Variants in ANKRD27 observed in about 807,000 individuals in gnomAD.
The protein encoded by ANKRD27 is ankyrin repeat domain-containing protein 27.
A neutral mutation model predicts 129.7 loss-of-function variants in ANKRD27; 112 were observed. The ratio of observed to expected loss-of-function variants is 0.86; its 90% CI spans 0.74 to 1.01. The LOEUF is 1.01. Ranked by LOEUF, ANKRD27 falls within the 50% of genes least tolerant of loss-of-function variation. The pLI is 0.00. For synonymous variants in ANKRD27, 516 were observed against 511.2 expected, an observed-to-expected ratio of 1.01 and a Z score of -0.13; for missense variants, 1,258 against 1,300.5, an observed-to-expected ratio of 0.97 and a Z score of 0.50.
intron 18 of ANKRD27, among the ~76,000 whole-genome samples, chr19:32,622,218 C>A (rs1972020943): frequency 6.6e-6 from 1 of 152,168 alleles, no homozygotes. Context: ...CCTGGAACAA[C>A]CCTGAGAAAA....
chr19:32,649,827 C>T (rs761304496), intron 2 of ANKRD27, 35 bp from the exon 3 acceptor site: 28 of 1,393,498 alleles, frequency 2.0e-5, no homozygotes, highest in Admixed American at 1.0e-4. Context: ...ATTAGACAGA[C>T]GTGCCATTTA....
At chr19:32,632,209 A>C (rs1436616501) in intron 12 of ANKRD27, among the ~76,000 whole-genome samples, 1 of 152,052 alleles carries the variant, frequency 6.6e-6, no homozygotes, top group Non-Finnish European at 1.5e-5. Flanking sequence ...GAATCACTTA[A>C]ACCTGGGAGG....
chr19:32,599,650 T>C, intron 28 of ANKRD27, 54 bp downstream of exon 28: 1 of 1,537,890 alleles, frequency 6.5e-7, no homozygotes, highest in Non-Finnish European at 8.9e-7. Flanking sequence ...GGATTACTTT[T>C]GACAAAGCCG....
At chr19:32,656,028 G>GAAGA (rs1967511293) in intron 2 of ANKRD27, among the ~76,000 whole-genome samples, 1 of 119,918 alleles carries the variant, frequency 8.3e-6, no homozygotes, top group Admixed American at 9.4e-5. Context: ...AAAAAAAAAA[G>GAAGA]AAGAAAAGAA....
intron 20 of ANKRD27, among the ~76,000 whole-genome samples, chr19:32,618,161 G>C (rs1272292487): frequency 6.6e-6 from 1 of 151,656 alleles, no homozygotes; most frequent in Non-Finnish European, 1.5e-5. Context: ...ATAATAAACT[G>C]TAACTTTATC....
Position 32,604,247 on chromosome 19 carries a change from G to T in ANKRD27, c.2655+16C>A. On this transcript the variant is annotated intron_variant, in intron 25 of 28. Coordinates refer to ENST00000306065, the MANE Select transcript of ANKRD27 (RefSeq NM_032139.3). The stretch of plus-strand genomic sequence containing the variant: ...GAGCTCAGGATTCCCTCGGCTCTTC[G>T]ACCCTCTCCACCTACCTGTTCAGCA... 2 of 1,585,790 alleles carry T rather than the reference G, an allele frequency of 1.3e-6. No individual in the cohort carries two copies. The highest frequency in any genetic ancestry group is 1.1e-5 in the South Asian group (1 of 89,964).
chr19:32,650,002 A>C (rs2145308562), intron 2 of ANKRD27, among the ~76,000 whole-genome samples: 1 of 152,244 alleles, frequency 6.6e-6, no homozygotes, highest in South Asian at 2.1e-4. Context: ...TTGTGATGGA[A>C]TCAGCCTCAC....
intron 1 of ANKRD27, among the ~76,000 whole-genome samples, chr19:32,660,929 C>T (rs1249034514): frequency 2.0e-5 from 3 of 148,618 alleles, no homozygotes; most frequent in Non-Finnish European, 2.9e-5. Flanking sequence ...ATATCATCTC[C>T]CAGGCTGGCT....
chr19:32,605,932 G>A lies in ANKRD27; in HGVS notation c.2396C>T (p.Ser799Leu), dbSNP rs372948651. 6.6e-5 allele frequency: 107 copies of A among 1,613,678 alleles called. No homozygotes were observed. The highest frequency in any genetic ancestry group is 8.6e-5 in the Non-Finnish European group (101 of 1,179,908). The change falls in exon 24 of 29, where the codon TCG becomes TTG. Residue 799 changes from serine (S) to leucine (L), a missense_variant. Physicochemically the swap from Ser to Leu is moderately radical, Grantham distance 145. Coordinates refer to ENST00000306065, the MANE Select transcript of ANKRD27 (RefSeq NM_032139.3). ...GTCCTTCTTATTGGGTTTTGCATTC[G>A]AATCTAACAGACACTTCACCACCTG... is the stretch of plus-strand genomic sequence containing the variant. ...HFQVVKCLLD[S>L]NAKPNKKDLS...
At chr19:32,637,310 T>G (rs1967109067) in intron 12 of ANKRD27, 1 of 152,210 alleles carries the variant, frequency 6.6e-6, no homozygotes, top group Non-Finnish European at 1.5e-5. Flanking sequence ...GATTTCAACT[T>G]TGTGATTTCT....
intron 17 of ANKRD27, 46 bp downstream of exon 17, chr19:32,625,828 G>T: frequency 7.1e-7 from 1 of 1,417,420 alleles, no homozygotes; most frequent in South Asian, 1.4e-5. Flanking sequence ...CTCTACGAGT[G>T]GGAAAGGGTG....
In ANKRD27 at chr19:32,604,382, CTG is replaced by C. The variant is rs1431462577; in HGVS notation, c.2534_2535del (p.Thr845SerfsTer8). On this transcript the variant is annotated frameshift_variant, in exon 25 of 29. Transcript: ENST00000306065. LOFTEE classifies it high-confidence loss of function. ...TTTTCAATCACAGCCTCGTGCAGCG[CTG>C]TGTTGCCCTTATTGTTAGAAGCGTT... ...SINASNNKGN[T>X]ALHEAVIEKH... 6.8e-6 allele frequency: 11 copies of C among 1,613,108 alleles called. No homozygotes were observed. Among genetic ancestry groups the C allele is most frequent in the Non-Finnish European group, 8.5e-6 (10 of 1,179,192 alleles).
chr19:32,600,066 T>C lies in ANKRD27; in HGVS notation c.2768-16A>G, dbSNP rs761431174. ...TTTGAGTTCCCTGTAGATAAAAAGA[T>C]AAACATCTAAAAACTTCAAAAACAG... On this transcript the variant is annotated splice_polypyrimidine_tract_variant and intron_variant, in intron 26 of 28. Transcript: ENST00000306065. 18 of 1,565,266 alleles carry C rather than the reference T, an allele frequency of 1.1e-5. No homozygotes were observed. The South Asian group carries it at 1.9e-4, about 17-fold the overall frequency.
chr19:32,672,333 T>C (rs369760715), intron 1 of ANKRD27, among the ~76,000 whole-genome samples: 8 of 152,240 alleles, frequency 5.3e-5, no homozygotes, highest in African/African-American at 1.9e-4. Flanking sequence ...ACTTGTGTCC[T>C]CCTGACCTAT....
intron 26 of ANKRD27, among the ~76,000 whole-genome samples, chr19:32,601,602 ACT>A (rs1351238724): frequency 7.9e-6 from 1 of 126,508 alleles, no homozygotes; most frequent in Non-Finnish European, 1.6e-5. Flanking sequence ...ACAGAGCGAG[ACT>A]CTGTCTCAAA....
In ANKRD27 at chr19:32,625,963, G is replaced by A. The variant is rs573718552; in HGVS notation, c.1540C>T (p.Leu514=). The change falls in exon 17 of 29, where the codon CTG becomes TTG. Residue 514 remains leucine (L), a synonymous_variant. Coordinates refer to ENST00000306065, the MANE Select transcript of ANKRD27 (RefSeq NM_032139.3). ...CQKGYQSVTL[L]LLHYKASAEV... ...GCGCTGGCCTTGTAGTGCAGCAGCA[G>A]CAGCTGCGGAGATAAAGGAAAGCGA... 5.6e-6 allele frequency: 9 copies of A among 1,606,108 alleles called. No homozygotes were observed. In the African/African-American group the frequency reaches 1.2e-4, roughly 21 times the overall value.
chr19:32,616,521 C>G (rs1971922097), intron 21 of ANKRD27, among the ~76,000 whole-genome samples: 2 of 143,248 alleles, frequency 1.4e-5, no homozygotes, highest in African/African-American at 5.1e-5. Flanking sequence ...CCACTGCACT[C>G]CTGGATGACA....
chr19:32,657,827 T>C (rs1458797057), intron 2 of ANKRD27, among the ~76,000 whole-genome samples: 5 of 151,298 alleles, frequency 3.3e-5, no homozygotes, highest in Non-Finnish European at 7.4e-5. Flanking sequence ...ACACAAAAAT[T>C]AGCTGGACGT....
intron 12 of ANKRD27, among the ~76,000 whole-genome samples, chr19:32,634,034 GA>G (rs1182773388): frequency 6.6e-6 from 1 of 151,952 alleles, no homozygotes; most frequent in Non-Finnish European, 1.5e-5. Context: ...CTGTCTCTAA[GA>G]AAAATAAAAG....
Sources: gnomAD v4.1 joint callset for allele counts (sites outside exome capture counted in the v4.1 genomes callset) on GRCh38, gnomAD v4.1.1 for gene constraint, MANE v1.5 for transcripts, NCBI Gene and HGNC (gene_info 2026-07-23, HGNC 2026-07-21) for gene names.